THRB: variants seen among roughly 807,000 people sequenced by gnomAD.
The protein encoded by THRB is thyroid hormone receptor beta.
A neutral mutation model predicts 47.8 loss-of-function variants in THRB; 12 were observed. The observed-to-expected ratio is 0.25, with a 90% CI of 0.16 to 0.41. The LOEUF (loss-of-function observed/expected upper bound fraction) is 0.41, where lower values mean the gene tolerates loss of function less well. THRB is among the 10% of genes least tolerant of loss of function. The pLI is 1.00. For synonymous variants in THRB, 218 were observed against 212.2 expected (o/e 1.03, Z -0.24); for missense variants, 348 against 589.2 (o/e 0.59, Z 4.24).
intron 1 of THRB, among the ~76,000 whole-genome samples, chr3:24,481,210 T>C (rs1485955304): frequency 6.7e-6 from 1 of 149,418 alleles, no homozygotes; most frequent in African/African-American, 2.5e-5. Context: ...TTTTTATATG[T>C]GTGGATGCGT....
At chr3:24,332,591 T>A (rs1315529690) in intron 2 of THRB, among the ~76,000 whole-genome samples, 1 of 152,204 alleles carries the variant, frequency 6.6e-6, no homozygotes, top group Non-Finnish European at 1.5e-5. Context: ...GACAGTGAAT[T>A]CTTTAGGCAC....
chr3:24,171,169 G>A (rs973977961), intron 5 of THRB, among the ~76,000 whole-genome samples: 6 of 152,186 alleles, frequency 3.9e-5, no homozygotes, highest in African/African-American at 1.4e-4. Context: ...AGAAGCATGA[G>A]TCTCGATCTT....
chr3:24,122,957 C>T lies in THRB; in HGVS notation c.1313G>A (p.Arg438His), dbSNP rs121918698. ...GCATTCCACCTTCATGTGCAGGAAG[C>T]GGCTGGCATGGCAGGCTCCTATCAT... is the stretch of plus-strand genomic sequence containing the variant. ...LRMIGACHASRFLHMKVECPT... is the reference protein window; with the variant it reads ...LRMIGACHASHFLHMKVECPT... The change falls in exon 11 of 11, where the codon CGC becomes CAC. Residue 438 changes from arginine (R) to histidine (H), a missense_variant. By Grantham distance (29) the Arg-to-His change is conservative (BLOSUM62 0). Transcript: ENST00000646209. 1 of 1,614,018 alleles carries T rather than the reference C, an allele frequency of 6.2e-7. No individual in the cohort carries two copies. Among genetic ancestry groups the T allele is most frequent in the Non-Finnish European group, 8.5e-7 (1 of 1,180,034 alleles).
intron 3 of THRB, among the ~76,000 whole-genome samples, chr3:24,261,270 A>C (rs900466440): frequency 6.7e-6 from 1 of 150,088 alleles, no homozygotes; most frequent in African/African-American, 2.5e-5. Context: ...TGGGAGGCCG[A>C]GGCGGGCAGA....
At chr3:24,454,032 G>T (rs1577686424) in intron 1 of THRB, among the ~76,000 whole-genome samples, 1 of 152,242 alleles carries the variant, frequency 6.6e-6, no homozygotes, top group East Asian at 1.9e-4. Flanking sequence ...TGCATTCCAG[G>T]AGGAAATATA....
intron 3 of THRB, among the ~76,000 whole-genome samples, chr3:24,292,352 T>C (rs1158124985): frequency 6.6e-6 from 1 of 152,230 alleles, no homozygotes; most frequent in Non-Finnish European, 1.5e-5. Flanking sequence ...AAATGCTTTT[T>C]TAAGTGCTCC....
Position 24,119,700 on chromosome 3 carries a change from A to G in THRB, c.*3184T>C, listed in dbSNP as rs995053102. 1 of 152,316 alleles carries G rather than the reference A, an allele frequency of 6.6e-6. No homozygotes were observed. The highest frequency in any genetic ancestry group is 2.4e-5 in the African/African-American group (1 of 41,460). The allele number at this position is 152,316 out of a possible 1,614,324, so 9.4% of individuals were successfully genotyped here. A position where few individuals can be genotyped will look rare whatever the true frequency, so the allele number is the denominator to read the frequency against. ...GTGAGGGGCTTCGCTGGGCTGAGGC[A>G]TCAACAGGTCAAGCGCGTCATTGAG... On this transcript the variant is annotated 3_prime_UTR_variant, in exon 11 of 11. Coordinates refer to ENST00000646209, the MANE Select transcript of THRB (RefSeq NM_001354712.2).
At chr3:24,384,797 G>A (rs1446146732) in intron 1 of THRB, among the ~76,000 whole-genome samples, 1 of 152,046 alleles carries the variant, frequency 6.6e-6, no homozygotes, top group Non-Finnish European at 1.5e-5. Flanking sequence ...TAAAATCCAT[G>A]CACCCCTGAC....
intron 1 of THRB, among the ~76,000 whole-genome samples, chr3:24,416,374 T>C (rs2068733214): frequency 6.6e-6 from 1 of 151,780 alleles, no homozygotes; most frequent in African/African-American, 2.4e-5. Flanking sequence ...TGAAGATATC[T>C]TCAAGGGCTC....
chr3:24,352,160 C>A (rs575266347), intron 1 of THRB, among the ~76,000 whole-genome samples: 1 of 152,140 alleles, frequency 6.6e-6, no homozygotes, highest in South Asian at 2.1e-4. Context: ...GGAACTAGTT[C>A]AGGCATGTGA....
chr3:24,329,208 G>C (rs1414462839), intron 2 of THRB, among the ~76,000 whole-genome samples: 1 of 152,180 alleles, frequency 6.6e-6, no homozygotes, highest in African/African-American at 2.4e-5. Context: ...GCCTCCCAAA[G>C]TTCTGAGACT....
chr3:24,220,217 G>A (rs1473096100), intron 4 of THRB, among the ~76,000 whole-genome samples: 4 of 152,148 alleles, frequency 2.6e-5, no homozygotes, highest in Non-Finnish European at 5.9e-5. Flanking sequence ...GTGGCCAGGT[G>A]TGGTGGCTCA....
At chr3:24,225,934 G>A (rs1469311423) in intron 4 of THRB, among the ~76,000 whole-genome samples, 1 of 152,162 alleles carries the variant, frequency 6.6e-6, no homozygotes, top group Non-Finnish European at 1.5e-5. Flanking sequence ...GCGTAAAGCA[G>A]TGAGAAAATT....
intron 4 of THRB, among the ~76,000 whole-genome samples, chr3:24,227,971 AT>A (rs1282296721): frequency 1.3e-5 from 2 of 152,190 alleles, no homozygotes; most frequent in Non-Finnish European, 2.9e-5. Flanking sequence ...AGTCTATAAA[AT>A]TTTTATAAGT....
chr3:24,358,633 C>T (rs544369433), intron 1 of THRB, among the ~76,000 whole-genome samples: 4 of 152,026 alleles, frequency 2.6e-5, no homozygotes, highest in Non-Finnish European at 5.9e-5. Flanking sequence ...CATTTGTCTG[C>T]CTACTTCTGT....
chr3:24,358,171 G>A (rs904497357), intron 1 of THRB, among the ~76,000 whole-genome samples: 6 of 152,114 alleles, frequency 3.9e-5, no homozygotes. Flanking sequence ...TAATTCATAA[G>A]AGTGCTGTAT....
intron 8 of THRB, among the ~76,000 whole-genome samples, chr3:24,137,087 G>A (rs2034780566): frequency 6.6e-6 from 1 of 152,188 alleles, no homozygotes; most frequent in Admixed American, 6.5e-5. Context: ...TGAGTCATAT[G>A]GTATTTAGGC....
At chr3:24,210,903 A>G (rs1303720624) in intron 4 of THRB, among the ~76,000 whole-genome samples, 17 of 152,216 alleles carry the variant, frequency 1.1e-4, no homozygotes. Flanking sequence ...TTTGGAAGAT[A>G]TAAAAGATGG....
At chr3:24,208,185 C>CAA (rs747773797) in intron 4 of THRB, among the ~76,000 whole-genome samples, 2 of 138,140 alleles carry the variant, frequency 1.4e-5, no homozygotes, top group Non-Finnish European at 3.2e-5. Context: ...CATTGCTCAA[C>CAA]AAAAAAAAAA....
Sources: allele counts gnomAD v4.1 joint callset (sites outside exome capture counted in the v4.1 genomes callset), GRCh38; gene constraint gnomAD v4.1.1; transcripts MANE v1.5; gene names NCBI Gene and HGNC (gene_info 2026-07-23, HGNC 2026-07-21).